Variants in NELL1 observed in about 807,000 individuals in gnomAD.
NELL1 encodes protein kinase C-binding protein NELL1.
A neutral mutation model predicts 107.4 loss-of-function variants in NELL1; 76 were observed. The ratio of observed to expected loss-of-function variants is 0.71; its 90% CI spans 0.59 to 0.86. NELL1 has a LOEUF of 0.86. NELL1 is among the 40% of genes least tolerant of loss of function. The pLI is 0.00. For missense variants in NELL1, 1,024 were observed against 1,005.5 expected (o/e 1.02, Z -0.25); for synonymous variants, 353 against 341.2 (o/e 1.03, Z -0.38).
At chr11:20,947,949 G>A (rs1850997567) in intron 11 of NELL1, among the ~76,000 whole-genome samples, 1 of 152,020 alleles carries the variant, frequency 6.6e-6, no homozygotes, top group Admixed American at 6.6e-5. Context: ...AATAACACTT[G>A]GTTGCTAATT....
intron 2 of NELL1, among the ~76,000 whole-genome samples, chr11:20,756,961 A>G (rs1856309508): frequency 6.6e-6 from 1 of 152,094 alleles, no homozygotes; most frequent in Non-Finnish European, 1.5e-5. Context: ...TATCACTAGT[A>G]TATTGGAGGA....
chr11:20,895,582 T>C (rs1291796536), intron 5 of NELL1, among the ~76,000 whole-genome samples: 1 of 143,182 alleles, frequency 7.0e-6, no homozygotes. Flanking sequence ...CTTGGCTCAC[T>C]GCAACCTCCG....
At chr11:21,224,489 G>T (rs574386566) in intron 13 of NELL1, among the ~76,000 whole-genome samples, 48 of 151,742 alleles carry the variant, frequency 3.2e-4, no homozygotes, top group Admixed American at 1.5e-3. Context: ...CCAAAGTGCT[G>T]GGATTATAGG....
intron 14 of NELL1, among the ~76,000 whole-genome samples, chr11:21,290,962 G>C (rs575677315): frequency 6.6e-6 from 1 of 151,976 alleles, no homozygotes; most frequent in Admixed American, 6.6e-5. Flanking sequence ...CTCCTCTCCA[G>C]TAAGGGAACG....
intron 14 of NELL1, among the ~76,000 whole-genome samples, chr11:21,326,350 C>T (rs1023143631): frequency 1.3e-5 from 2 of 151,690 alleles, no homozygotes; most frequent in African/African-American, 4.8e-5. Flanking sequence ...TTAAACTCAT[C>T]AGAGACAAAC....
At chr11:21,530,517 A>T (rs187944637) in intron 15 of NELL1, among the ~76,000 whole-genome samples, 1 of 152,206 alleles carries the variant, frequency 6.6e-6, no homozygotes, top group East Asian at 1.9e-4. Flanking sequence ...TCTGTTTCTC[A>T]TTGTAAATGA....
At chr11:21,365,977 A>G (rs563739431) in intron 14 of NELL1, among the ~76,000 whole-genome samples, 2 of 152,212 alleles carry the variant, frequency 1.3e-5, no homozygotes, top group Admixed American at 1.3e-4. Context: ...TGTCCTGTGC[A>G]TTGTAGGATG....
At chr11:20,904,985 T>C (rs547079594) in intron 5 of NELL1, among the ~76,000 whole-genome samples, 3 of 151,192 alleles carry the variant, frequency 2.0e-5, no homozygotes, top group East Asian at 3.9e-4. Context: ...CATGTGACCA[T>C]GCCTGGCTAA....
intron 2 of NELL1, among the ~76,000 whole-genome samples, chr11:20,707,037 C>T (rs1854981756): frequency 6.6e-6 from 1 of 152,148 alleles, no homozygotes; most frequent in African/African-American, 2.4e-5. Context: ...TCACATAGTC[C>T]CATATTTCTT....
At chr11:20,809,725 A>G (rs1309477231) in intron 3 of NELL1, among the ~76,000 whole-genome samples, 1 of 152,186 alleles carries the variant, frequency 6.6e-6, no homozygotes, top group Non-Finnish European at 1.5e-5. Flanking sequence ...GTTGAATACT[A>G]TTCCATTGTG....
Position 21,289,589 on chromosome 11 carries a change from T to A in NELL1, c.1549+60135T>A, listed in dbSNP as rs577418033. ...TCAAGCACAAAACTGGGTGGCAGTT[T>A]GGGCAGACAGGGAGCTAACTGAAGG... On this transcript the variant is annotated intron_variant, in intron 14 of 19. Coordinates refer to ENST00000357134, the MANE Select transcript of NELL1 (RefSeq NM_006157.5). Among the ~76,000 whole-genome samples the A allele has an allele frequency of 3.3e-5, 5 of 152,288 alleles. No individual in the cohort carries two copies. In the South Asian group the frequency reaches 8.3e-4, roughly 25 times the overall value.
At chr11:21,287,992 G>T (rs893502940) in intron 14 of NELL1, among the ~76,000 whole-genome samples, 5 of 140,882 alleles carry the variant, frequency 3.5e-5, no homozygotes, top group African/African-American at 7.9e-5. Flanking sequence ...GAGAATAGAA[G>T]GAAGGAAGAA....
chr11:21,125,456 A>C (rs1855465947), intron 13 of NELL1, among the ~76,000 whole-genome samples: 1 of 152,164 alleles, frequency 6.6e-6, no homozygotes, highest in African/African-American at 2.4e-5. Flanking sequence ...AAAAAAAAGG[A>C]TTATTTTACA....
chr11:21,307,987 A>G (rs1849644353), intron 14 of NELL1, among the ~76,000 whole-genome samples: 1 of 152,042 alleles, frequency 6.6e-6, no homozygotes, highest in Admixed American at 6.6e-5. Flanking sequence ...AATTGGTCAT[A>G]TGGAACAAAA....
chr11:21,448,635 T>C, intron 15 of NELL1, among the ~76,000 whole-genome samples: 1 of 152,230 alleles, frequency 6.6e-6, no homozygotes, highest in East Asian at 1.9e-4. Context: ...TATGTGGGTA[T>C]GCACCCATGA....
intron 12 of NELL1, among the ~76,000 whole-genome samples, chr11:20,966,857 C>T (rs1470574077): frequency 6.6e-6 from 1 of 151,680 alleles, no homozygotes; most frequent in East Asian, 1.9e-4. Context: ...TGCCCCGACA[C>T]ACACACGATT....
chr11:21,016,021 G>T (rs984724402), intron 12 of NELL1, among the ~76,000 whole-genome samples: 8 of 152,062 alleles, frequency 5.3e-5, no homozygotes, highest in African/African-American at 1.7e-4. Context: ...TCTGGTATTG[G>T]CAGAAAGTGA....
chr11:21,012,691 G>T (rs1397193628), intron 12 of NELL1, among the ~76,000 whole-genome samples: 1 of 152,116 alleles, frequency 6.6e-6, no homozygotes, highest in African/African-American at 2.4e-5. Flanking sequence ...GAGAGGTTGG[G>T]AATGGCAAAT....
At chr11:21,077,819 T>TG (rs1343403004) in intron 12 of NELL1, among the ~76,000 whole-genome samples, 1 of 150,966 alleles carries the variant, frequency 6.6e-6, no homozygotes, top group Non-Finnish European at 1.5e-5. Flanking sequence ...ATAGAACTAA[T>TG]GGTAAATAAT....
Sources: gnomAD v4.1 joint callset for allele counts (sites outside exome capture counted in the v4.1 genomes callset) on GRCh38, gnomAD v4.1.1 for gene constraint, MANE v1.5 for transcripts, NCBI Gene and HGNC (gene_info 2026-07-23, HGNC 2026-07-21) for gene names.